UNC5C: variants seen among roughly 807,000 people sequenced by gnomAD.
UNC5C encodes unc-5 netrin receptor C.
Under a neutral mutation model 99.8 loss-of-function variants are expected in UNC5C, and 47 were observed. The observed-to-expected ratio is 0.47, with a 90% CI of 0.37 to 0.60. The LOEUF is 0.60. Ranked by LOEUF, UNC5C falls within the 20% of genes least tolerant of loss-of-function variation. UNC5C has a pLI of 0.00. For missense variants in UNC5C, 1,062 were observed against 1,165.9 expected (o/e 0.91, Z 1.30); for synonymous variants, 487 against 452.2 (o/e 1.08, Z -0.98).
At chr4:95,280,885 A>G (rs1361220040) in intron 3 of UNC5C, among the ~76,000 whole-genome samples, 1 of 136,868 alleles carries the variant, frequency 7.3e-6, no homozygotes, top group Non-Finnish European at 1.5e-5. Flanking sequence ...GCCACCCCAC[A>G]CATCCCCCGA....
chr4:95,470,274 T>C (rs1747926563), intron 1 of UNC5C, among the ~76,000 whole-genome samples: 1 of 152,130 alleles, frequency 6.6e-6, no homozygotes, highest in Admixed American at 6.6e-5. Context: ...TCCAAAAATG[T>C]TTTTCCATAT....
intron 1 of UNC5C, among the ~76,000 whole-genome samples, chr4:95,476,799 C>T (rs1748163924): frequency 1.3e-5 from 2 of 151,956 alleles, no homozygotes; most frequent in Non-Finnish European, 2.9e-5. Context: ...TAGGTGTATA[C>T]TATTCTTACT....
chr4:95,181,653 G>C (rs1205959071), intron 14 of UNC5C, among the ~76,000 whole-genome samples: 7 of 150,412 alleles, frequency 4.7e-5, no homozygotes, highest in Admixed American at 4.6e-4. Flanking sequence ...ATGGCACCCT[G>C]ACACCGAGAT....
intron 10 of UNC5C, among the ~76,000 whole-genome samples, chr4:95,209,072 C>T (rs1177035829): frequency 6.6e-6 from 1 of 152,150 alleles, no homozygotes; most frequent in Non-Finnish European, 1.5e-5. Flanking sequence ...CTGTCTACTC[C>T]TCATTATAAA....
intron 2 of UNC5C, among the ~76,000 whole-genome samples, chr4:95,302,769 A>C (rs763180926): frequency 6.6e-6 from 1 of 152,210 alleles, no homozygotes; most frequent in Non-Finnish European, 1.5e-5. Flanking sequence ...TTGAATAAAT[A>C]TTTATTTAGT....
chr4:95,248,713 G>T, intron 5 of UNC5C: 1 of 367,606 alleles, frequency 2.7e-6, no homozygotes, highest in South Asian at 2.1e-5. Flanking sequence ...TAACATTTCA[G>T]TCAAGGACAG....
rs751105484 is a variant in UNC5C, at chr4:95,335,551, C to T, written c.205G>A (p.Glu69Lys). The T allele has an allele frequency of 4.3e-6, 7 of 1,612,210 alleles. No individual in the cohort carries two copies. In the African/African-American group the frequency reaches 9.4e-5, roughly 22 times the overall value. The change falls in exon 2 of 16, where the codon GAA becomes AAA. Residue 69 changes from glutamate to lysine, a missense_variant. By Grantham distance (56) the Glu-to-Lys change is moderately conservative. This residue lies in a region of UNC5C where 249 missense variants were observed against 295.1 expected (regional missense o/e 0.84). Transcript: ENST00000453304. ...EPLPHFLIEP[E>K]EAYIVKNKPV... ...TTATTCTTCACAATATAAGCTTCTT[C>T]AGGCTCAATAAGGAAATGTGGCAGA...
intron 12 of UNC5C, among the ~76,000 whole-genome samples, chr4:95,192,433 C>A (rs1737181542): frequency 8.9e-6 from 1 of 112,428 alleles, no homozygotes; most frequent in African/African-American, 3.5e-5. Context: ...CTCCCCTGTT[C>A]ACCTCCTCCC....
intron 1 of UNC5C, among the ~76,000 whole-genome samples, chr4:95,544,410 T>C (rs1189054454): frequency 6.6e-6 from 1 of 152,218 alleles, no homozygotes; most frequent in Non-Finnish European, 1.5e-5. Context: ...CACGTTCTTC[T>C]GTGTAGAAAT....
chr4:95,391,321 C>T (rs565917099), intron 1 of UNC5C, among the ~76,000 whole-genome samples: 12 of 152,180 alleles, frequency 7.9e-5, no homozygotes, highest in Middle Eastern at 3.4e-3. Context: ...GGCTGGTCTC[C>T]GACTCCTGAA....
chr4:95,335,606 T>C lies in UNC5C; in HGVS notation c.150A>G (p.Pro50=), dbSNP rs779341478. 3 of 1,608,528 alleles carry C rather than the reference T, an allele frequency of 1.9e-6. No individual in the cohort carries two copies. The highest frequency in any genetic ancestry group is 2.5e-6 in the Non-Finnish European group (3 of 1,177,730). The change falls in exon 2 of 16, where the codon CCA becomes CCG. Residue 50 remains proline, a synonymous_variant. Transcript: ENST00000453304. ...AQDDDFFHEL[P]ETFPSDPPEP... ...CAGGTGGATCAGAAGGAAAAGTTTC[T>C]GGGAGTTCATGAAAAAAGTCATCAT...
chr4:95,171,212 CTA>C (rs1392224913), intron 14 of UNC5C, among the ~76,000 whole-genome samples: 1 of 151,140 alleles, frequency 6.6e-6, no homozygotes, highest in East Asian at 1.9e-4. Flanking sequence ...CCATCTCTCT[CTA>C]TTTTTTTTTT....
At chr4:95,515,035 G>A (rs911527832) in intron 1 of UNC5C, among the ~76,000 whole-genome samples, 4 of 152,020 alleles carry the variant, frequency 2.6e-5, no homozygotes, top group Admixed American at 1.3e-4. Flanking sequence ...CATAATGAAA[G>A]ATCTTAAATA....
chr4:95,485,035 C>G (rs1331899654), intron 1 of UNC5C, among the ~76,000 whole-genome samples: 1 of 151,768 alleles, frequency 6.6e-6, no homozygotes, highest in Non-Finnish European at 1.5e-5. Flanking sequence ...AACATAATTA[C>G]TATAAGTGGT....
intron 1 of UNC5C, among the ~76,000 whole-genome samples, chr4:95,487,653 A>G (rs1433928562): frequency 1.3e-5 from 2 of 151,734 alleles, no homozygotes; most frequent in African/African-American, 4.8e-5. Context: ...TACAAATGTG[A>G]AGTTATTAGA....
intron 1 of UNC5C, among the ~76,000 whole-genome samples, chr4:95,389,170 G>A (rs1184742101): frequency 6.6e-6 from 1 of 152,116 alleles, no homozygotes; most frequent in Non-Finnish European, 1.5e-5. Flanking sequence ...TTATAAAGCA[G>A]GGCACATGGT....
chr4:95,236,152 C>G (rs1244102360), intron 7 of UNC5C, among the ~76,000 whole-genome samples: 1 of 152,142 alleles, frequency 6.6e-6, no homozygotes, highest in East Asian at 1.9e-4. Context: ...TATTGCAGCA[C>G]TATTCACAAT....
At chr4:95,241,894 A>G (rs1321367234) in intron 7 of UNC5C, among the ~76,000 whole-genome samples, 1 of 152,204 alleles carries the variant, frequency 6.6e-6, no homozygotes, top group Non-Finnish European at 1.5e-5. Context: ...TTTCCTTTAA[A>G]TAAACTAAAT....
At chr4:95,402,354 G>A (rs905693002) in intron 1 of UNC5C, among the ~76,000 whole-genome samples, 4 of 152,178 alleles carry the variant, frequency 2.6e-5, no homozygotes, top group Non-Finnish European at 5.9e-5. Flanking sequence ...GACAGACAAG[G>A]AAGCCTTATG....
Sources: allele counts gnomAD v4.1 joint callset (sites outside exome capture counted in the v4.1 genomes callset), GRCh38; gene constraint gnomAD v4.1.1; regional missense constraint gnomAD v4.1.1; transcripts MANE v1.5; gene names NCBI Gene and HGNC (gene_info 2026-07-23, HGNC 2026-07-21).